The following ZNF365 variants were observed in gnomAD, a reference collection of about 807,000 sequenced individuals.
ZNF365 encodes zinc finger protein 365.
A neutral mutation model predicts 35.0 loss-of-function variants in ZNF365; 22 were observed. The ratio of observed to expected loss-of-function variants is 0.63; its 90% CI spans 0.45 to 0.90. The LOEUF (loss-of-function observed/expected upper bound fraction) is 0.90. Among genes scored for constraint, ZNF365 ranks in the 40% least tolerant of loss-of-function variants. The pLI is 0.00. For missense variants in ZNF365, 448 were observed against 500.3 expected (o/e 0.90, Z 1.00); for synonymous variants, 188 against 196.2 (o/e 0.96, Z 0.35).
chr10:62,407,782 T>A (rs1370967308), intron 3 of ZNF365, among the ~76,000 whole-genome samples: 1 of 152,228 alleles, frequency 6.6e-6, no homozygotes, highest in East Asian at 1.9e-4. Flanking sequence ...AGAAAATACA[T>A]GGTATTTCCT....
At chr10:62,469,094 G>A (rs1374395197) in intron 4 of ZNF365, among the ~76,000 whole-genome samples, 4 of 152,218 alleles carry the variant, frequency 2.6e-5, no homozygotes, top group South Asian at 4.1e-4. Flanking sequence ...AGAGTTCATG[G>A]CAACAGTTTT....
intron 3 of ZNF365, among the ~76,000 whole-genome samples, chr10:62,408,826 C>G (rs756812566): frequency 1.3e-5 from 2 of 152,128 alleles, no homozygotes; most frequent in Non-Finnish European, 2.9e-5. Context: ...GGACTCATAT[C>G]TTGATGCGTT....
chr10:62,419,904 T>C (rs1394953086), intron 3 of ZNF365, among the ~76,000 whole-genome samples: 1 of 152,080 alleles, frequency 6.6e-6, no homozygotes, highest in Admixed American at 6.6e-5. Context: ...TTATTGTAAG[T>C]TTTTGGTATG....
downstream of ZNF365, among the ~76,000 whole-genome samples, chr10:62,405,439 G>T (rs1398194354): frequency 6.6e-6 from 1 of 152,162 alleles, no homozygotes; most frequent in Admixed American, 6.5e-5. Flanking sequence ...GCTTGAGTGA[G>T]AAAAAGGAAT....
chr10:62,466,296 T>TG (rs1279313791), intron 4 of ZNF365, among the ~76,000 whole-genome samples: 1 of 152,200 alleles, frequency 6.6e-6, no homozygotes, highest in Non-Finnish European at 1.5e-5. Flanking sequence ...GGCAGTCACT[T>TG]GGGGCATGCA....
chr10:62,447,984 G>C (rs941554840), intron 3 of ZNF365, among the ~76,000 whole-genome samples: 2 of 152,166 alleles, frequency 1.3e-5, no homozygotes, highest in Non-Finnish European at 2.9e-5. Flanking sequence ...AAAGTTGAAA[G>C]AACTGTATCG....
downstream of ZNF365, among the ~76,000 whole-genome samples, chr10:62,404,958 A>G (rs1248679913): frequency 1.3e-5 from 2 of 152,218 alleles, no homozygotes; most frequent in Non-Finnish European, 2.9e-5. Flanking sequence ...TGAAGCAAGT[A>G]GGGCTGAGGA....
chr10:62,429,744 G>C (rs1190500299), intron 3 of ZNF365, among the ~76,000 whole-genome samples: 2 of 152,114 alleles, frequency 1.3e-5, no homozygotes, highest in Non-Finnish European at 2.9e-5. Context: ...CCTTCTGATA[G>C]GTATTGGTTT....
At chr10:62,471,353 A>G (rs1298364456) in intron 4 of ZNF365, among the ~76,000 whole-genome samples, 3 of 148,276 alleles carry the variant, frequency 2.0e-5, no homozygotes, top group Non-Finnish European at 3.0e-5. Context: ...GCGACAGAGC[A>G]AGACTCTGTC....
At position 62,399,841 on chromosome 10, in the gene ZNF365, C is replaced by T; in HGVS notation, c.*52C>T. On this transcript the variant is annotated 3_prime_UTR_variant, in exon 5 of 5. Transcript: ENST00000395254. ...TCGCTGGGCTTTGGGGAACGTTGTT[C>T]CAGGAGCCAACAGTAATGTCTTTCT... 1 of 1,550,974 alleles carries T rather than the reference C, an allele frequency of 6.4e-7. No individual in the cohort carries two copies. The highest frequency in any genetic ancestry group is 8.7e-7 in the Non-Finnish European group (1 of 1,147,218).
chr10:62,391,836 T>C (rs1281383752), intron 3 of ZNF365, among the ~76,000 whole-genome samples: 4 of 152,370 alleles, frequency 2.6e-5, no homozygotes, highest in Middle Eastern at 3.4e-3. Flanking sequence ...CTGTTTTCCA[T>C]AGTGGTTGTA....
At chr10:62,452,988 TAAC>T (rs1840707565) in intron 3 of ZNF365, among the ~76,000 whole-genome samples, 1 of 152,240 alleles carries the variant, frequency 6.6e-6, no homozygotes, top group South Asian at 2.1e-4. Flanking sequence ...GATTTATTGG[TAAC>T]ATTTTTTTAA....
At chr10:62,428,801 T>C (rs949213597) in intron 3 of ZNF365, among the ~76,000 whole-genome samples, 2 of 152,184 alleles carry the variant, frequency 1.3e-5, no homozygotes, top group Admixed American at 1.3e-4. Context: ...ACTCCTTCCC[T>C]AGATATGTTC....
At chr10:62,467,180 A>G in intron 4 of ZNF365, among the ~76,000 whole-genome samples, 1 of 152,216 alleles carries the variant, frequency 6.6e-6, no homozygotes, top group South Asian at 2.1e-4. Context: ...AAATCCAAAG[A>G]GATATTAGAT....
chr10:62,457,084 A>C (rs1283985221), intron 3 of ZNF365, among the ~76,000 whole-genome samples: 3 of 152,104 alleles, frequency 2.0e-5, no homozygotes, highest in Non-Finnish European at 4.4e-5. Context: ...GCCCTGTTCC[A>C]TATGTCTCTT....
At chr10:62,380,000 A>G (rs1362267810) in intron 2 of ZNF365, among the ~76,000 whole-genome samples, 1 of 152,196 alleles carries the variant, frequency 6.6e-6, no homozygotes, top group Non-Finnish European at 1.5e-5. Context: ...AAAAGCAAAC[A>G]TCTATTATTT....
intron 3 of ZNF365, among the ~76,000 whole-genome samples, chr10:62,455,370 T>A (rs1159897641): frequency 6.6e-6 from 1 of 152,198 alleles, no homozygotes; most frequent in Non-Finnish European, 1.5e-5. Flanking sequence ...GATCCAGATG[T>A]AGAACACTGT....
At chr10:62,462,455 A>T (rs890337125) in intron 4 of ZNF365, among the ~76,000 whole-genome samples, 4 of 152,168 alleles carry the variant, frequency 2.6e-5, no homozygotes, top group Non-Finnish European at 5.9e-5. Flanking sequence ...ACTCCAAGGG[A>T]GGCTAGACCC....
At chr10:62,379,018 G>A (rs900568985) in intron 2 of ZNF365, among the ~76,000 whole-genome samples, 13 of 145,910 alleles carry the variant, frequency 8.9e-5, no homozygotes, top group African/African-American at 3.4e-4. Context: ...GATAAATTAC[G>A]AGTTGATTTT....
Sources: allele counts gnomAD v4.1 joint callset (sites outside exome capture counted in the v4.1 genomes callset), GRCh38; gene constraint gnomAD v4.1.1; transcripts MANE v1.5; gene names NCBI Gene and HGNC (gene_info 2026-07-23, HGNC 2026-07-21).